Variants in NEK1 observed in about 807,000 individuals in gnomAD.
NEK1 encodes NIMA related kinase 1, also known as serine/threonine-protein kinase Nek1.
A neutral mutation model predicts 182.1 loss-of-function variants in NEK1; 137 were observed. The ratio of observed to expected loss-of-function variants is 0.75; its 90% CI spans 0.65 to 0.87. The LOEUF (loss-of-function observed/expected upper bound fraction) is 0.87. Among genes scored for constraint, NEK1 ranks in the 40% least tolerant of loss-of-function variants. The probability of loss-of-function intolerance (pLI) is 0.00; values close to 1 mark genes in which losing one functional copy is unlikely to be tolerated. For synonymous variants in NEK1, 513 were observed against 492.2 expected (o/e 1.04, Z -0.56); for missense variants, 1,391 against 1,494.4 (o/e 0.93, Z 1.14).
intron 12 of NEK1, 23 bp downstream of exon 12, chr4:169,576,905 C>A (rs765428980): frequency 6.4e-7 from 1 of 1,568,580 alleles, no homozygotes; most frequent in East Asian, 2.3e-5. Flanking sequence ...GTTATTAACA[C>A]ATGGTATGTA....
At chr4:169,543,257 C>T (rs981517561) in intron 18 of NEK1, among the ~76,000 whole-genome samples, 5 of 151,838 alleles carry the variant, frequency 3.3e-5, no homozygotes, top group African/African-American at 9.7e-5. Flanking sequence ...CCTTTCCCCA[C>T]CACTTGTTTA....
chr4:169,575,540 C>G (rs1166620601), intron 12 of NEK1, among the ~76,000 whole-genome samples: 1 of 152,212 alleles, frequency 6.6e-6, no homozygotes, highest in African/African-American at 2.4e-5. Context: ...AGAAGAGCTT[C>G]CCACAGAATT....
At chr4:169,581,264 G>A (rs1260104524) in intron 10 of NEK1, among the ~76,000 whole-genome samples, 3 of 151,958 alleles carry the variant, frequency 2.0e-5, no homozygotes, top group Non-Finnish European at 4.4e-5. Flanking sequence ...ATTTATGTAT[G>A]TATCTGTGGG....
chr4:169,545,861 G>A (rs1580654946), intron 18 of NEK1, among the ~76,000 whole-genome samples: 1 of 152,220 alleles, frequency 6.6e-6, no homozygotes, highest in East Asian at 1.9e-4. Flanking sequence ...TTTGAGAAGT[G>A]TCTGTTCATG....
chr4:169,591,908 A>C (rs910307782), intron 5 of NEK1, among the ~76,000 whole-genome samples: 6 of 152,184 alleles, frequency 3.9e-5, no homozygotes, highest in Non-Finnish European at 7.4e-5. Context: ...AAGATGCAAA[A>C]GTTATTCAAA....
rs757527637 is a variant in NEK1, at chr4:169,562,133, A to G, written c.1080+4T>C. On this transcript the variant is annotated splice_donor_region_variant and intron_variant, in intron 13 of 35. Coordinates refer to ENST00000507142, the MANE Select transcript of NEK1 (RefSeq NM_001199397.3). The stretch of plus-strand genomic sequence containing the variant: ...TTAAAATAACCAGACAGATGTCTTT[A>G]TACCTCAGATATTTTCCTCCTTTCT... 117 of 1,527,192 alleles carry G rather than the reference A, an allele frequency of 7.7e-5. No homozygotes were observed. The highest frequency in any genetic ancestry group is 1.0e-4 in the Non-Finnish European group (116 of 1,128,476). 94.6% of individuals were successfully genotyped at this position (1,527,192 alleles called of 1,614,324 possible).
chr4:169,466,317 C>T (rs559518987), intron 26 of NEK1, among the ~76,000 whole-genome samples: 1 of 151,970 alleles, frequency 6.6e-6, no homozygotes, highest in African/African-American at 2.4e-5. Context: ...AGATGCTCAA[C>T]AAAACCCAAG....
At chr4:169,396,718 A>G (rs1029526099) in intron 35 of NEK1, among the ~76,000 whole-genome samples, 2 of 152,216 alleles carry the variant, frequency 1.3e-5, no homozygotes, top group African/African-American at 4.8e-5. Flanking sequence ...AGTGAAATAA[A>G]ACAGAAATGT....
At chr4:169,479,726 G>C (rs1336979880) in intron 23 of NEK1, among the ~76,000 whole-genome samples, 192 bp from the exon 24 acceptor site, 1 of 151,982 alleles carries the variant, frequency 6.6e-6, no homozygotes, top group Non-Finnish European at 1.5e-5. Flanking sequence ...AAAAATCTCT[G>C]GTCTCAGATG....
chr4:169,541,180 G>C (rs1759348580), intron 18 of NEK1, among the ~76,000 whole-genome samples: 1 of 152,082 alleles, frequency 6.6e-6, no homozygotes, highest in Non-Finnish European at 1.5e-5. Context: ...TGATGTAGAA[G>C]GGTTTATTCA....
At chr4:169,608,824 C>T (rs960558123) in intron 2 of NEK1, among the ~76,000 whole-genome samples, 8 of 152,030 alleles carry the variant, frequency 5.3e-5, no homozygotes, top group Admixed American at 3.9e-4. Flanking sequence ...TTTGGGAGGC[C>T]GAGGCAGGCG....
chr4:169,479,555 A>C, intron 23 of NEK1, 21 bp from the exon 24 acceptor site: 1 of 1,562,028 alleles, frequency 6.4e-7, no homozygotes, highest in Non-Finnish European at 8.7e-7. Context: ...GGATTTTATT[A>C]AATACATTAG....
At chr4:169,447,793 C>T (rs535743374) in intron 27 of NEK1, among the ~76,000 whole-genome samples, 3 of 152,108 alleles carry the variant, frequency 2.0e-5, no homozygotes, top group African/African-American at 4.8e-5. Flanking sequence ...CACTTGAACC[C>T]GGGAGGTGGA....
chr4:169,457,612 A>T (rs1294055125), intron 27 of NEK1, among the ~76,000 whole-genome samples: 1 of 149,248 alleles, frequency 6.7e-6, no homozygotes, highest in Non-Finnish European at 1.5e-5. Context: ...GAAAGGGAGA[A>T]AAGGAGAAAA....
At chr4:169,509,759 G>C (rs555588093) in intron 19 of NEK1, among the ~76,000 whole-genome samples, 1 of 151,972 alleles carries the variant, frequency 6.6e-6, no homozygotes, top group African/African-American at 2.4e-5. Flanking sequence ...ACTCATTATA[G>C]AAAATTTATT....
At chr4:169,398,320 G>A (rs7687276) in intron 35 of NEK1, among the ~76,000 whole-genome samples, 53,115 of 150,754 alleles carry the variant, frequency 0.35, 9,705 homozygotes, top group South Asian at 0.46. Context: ...TTTTACTGGG[G>A]TTTATAGACC....
At chr4:169,453,673 G>GA (rs1742281745) in intron 27 of NEK1, among the ~76,000 whole-genome samples, 1 of 152,234 alleles carries the variant, frequency 6.6e-6, no homozygotes, top group Non-Finnish European at 1.5e-5. Context: ...CAGTTAACTA[G>GA]CCCAACCTAT....
intron 31 of NEK1, among the ~76,000 whole-genome samples, chr4:169,423,276 T>A (rs1016963519): frequency 3.3e-5 from 5 of 152,176 alleles, no homozygotes; most frequent in African/African-American, 9.7e-5. Context: ...CTAATTTTTG[T>A]ATTTTTAGTA....
intron 27 of NEK1, among the ~76,000 whole-genome samples, chr4:169,460,948 A>G (rs1743855668): frequency 6.6e-6 from 1 of 152,208 alleles, no homozygotes; most frequent in Admixed American, 6.5e-5. Context: ...CTATTACAAA[A>G]AGAGTTTCAA....
Sources: gnomAD v4.1 joint callset for allele counts (sites outside exome capture counted in the v4.1 genomes callset) on GRCh38, gnomAD v4.1.1 for gene constraint, MANE v1.5 for transcripts, NCBI Gene and HGNC (gene_info 2026-07-23, HGNC 2026-07-21) for gene names.